The following CCDC180 variants were observed in gnomAD, a reference collection of about 807,000 sequenced individuals.
CCDC180 encodes the protein coiled-coil domain containing 180, also known as coiled-coil domain-containing protein 180.
In CCDC180, 154 loss-of-function variants were observed where a neutral mutation model predicts 209.2. The observed-to-expected ratio is 0.74, with a 90% CI of 0.65 to 0.84. CCDC180 has a LOEUF of 0.84. Ranked by LOEUF, CCDC180 falls within the 40% of genes least tolerant of loss-of-function variation. CCDC180 has a pLI of 0.00. For missense variants in CCDC180, 1,874 were observed against 1,997.3 expected, an observed-to-expected ratio of 0.94 and a Z score of 1.18; for synonymous variants, 778 against 749.1, an observed-to-expected ratio of 1.04 and a Z score of -0.63.
At chr9:97,323,214 A>G (rs533742986) in intron 12 of CCDC180, among the ~76,000 whole-genome samples, 19 of 152,254 alleles carry the variant, frequency 1.2e-4, no homozygotes, top group African/African-American at 4.6e-4. Context: ...CACCTCCTCC[A>G]GGAAGCCCAT....
chr9:97,354,934 C>T lies in CCDC180; in HGVS notation c.3190C>T (p.Leu1064=), dbSNP rs1383568452. The T allele has an allele frequency of 6.2e-7, 1 of 1,614,182 alleles. No homozygotes were observed. The highest frequency in any genetic ancestry group is 2.2e-5 in the East Asian group (1 of 44,888). Residue 1064 remains leucine, a synonymous_variant, in exon 24 of 37, where the codon CTG becomes TTG. Coordinates refer to ENST00000529487, the MANE Select transcript of CCDC180 (RefSeq NM_020893.6). ...INKFESKFHN[L]SVDLIFIEKI... Reference sequence around the variant, plus strand: ...CAAGTTTGAAAGCAAATTCCATAACCTGTCTGTGGACCTTATTTTCATAGA... The same window carrying T: ...CAAGTTTGAAAGCAAATTCCATAACTTGTCTGTGGACCTTATTTTCATAGA...
chr9:97,320,201 G>T lies in CCDC180; in HGVS notation c.1155G>T (p.Glu385Asp), dbSNP rs1054248214. 6.2e-6 allele frequency: 10 copies of T among 1,613,976 alleles called. No individual in the cohort carries two copies. Among genetic ancestry groups the T allele is most frequent in the Non-Finnish European group, 8.5e-6 (10 of 1,179,854 alleles). Residue 385 changes from glutamate to aspartate, a missense_variant, in exon 11 of 37, where the codon GAG becomes GAT. By Grantham distance (45) the Glu-to-Asp change is conservative (BLOSUM62 2). Coordinates refer to ENST00000529487, the MANE Select transcript of CCDC180 (RefSeq NM_020893.6). ...WHSSLNSLNK[E>D]LDTYHVDCMM... is the part of the protein sequence containing the mutation. ...CTTCCCTCAACTCCCTGAACAAGGAGCTAGGTGAGTGACGTCTGCAGGACT... is the reference window on the plus strand; with the variant it reads ...CTTCCCTCAACTCCCTGAACAAGGATCTAGGTGAGTGACGTCTGCAGGACT...
intron 34 of CCDC180, 39 bp downstream of exon 34, chr9:97,371,745 G>C (rs764919298): frequency 7.3e-7 from 1 of 1,372,538 alleles, no homozygotes; most frequent in African/African-American, 1.4e-5. Flanking sequence ...GGCCCTGGGG[G>C]GCTGGTGAGG....
intron 1 of CCDC180, 41 bp downstream of exon 1, chr9:97,307,847 G>A: frequency 1.2e-6 from 2 of 1,612,278 alleles, no homozygotes; most frequent in Non-Finnish European, 1.7e-6. Flanking sequence ...ACCCTAAGTC[G>A]ACGTTCCCCA....
In CCDC180 at chr9:97,337,223, G is replaced by A. The variant is rs544570374; in HGVS notation, c.2275-6117G>A. On this transcript the variant is annotated intron_variant, in intron 18 of 36. Coordinates refer to ENST00000529487, the MANE Select transcript of CCDC180 (RefSeq NM_020893.6). ...ATGTTGAATAGGAGTGGTGAGAGAGGGCATCCCTGTCTTGTGCCAGTTTTC... is the reference window on the plus strand; with the variant it reads ...ATGTTGAATAGGAGTGGTGAGAGAGAGCATCCCTGTCTTGTGCCAGTTTTC... 4.3e-4 allele frequency among the ~76,000 whole-genome samples: 66 copies of A among 152,244 alleles called. 1 individual carries two copies. The East Asian group carries it at 0.012, about 28-fold the overall frequency.
rs752164315 is a variant in CCDC180, at chr9:97,370,674, G to C, written c.4384G>C (p.Gly1462Arg). 1 of 1,613,860 alleles carries C rather than the reference G, an allele frequency of 6.2e-7. No homozygotes were observed. Among genetic ancestry groups the C allele is most frequent in the African/African-American group, 1.3e-5 (1 of 74,882 alleles). ...KNAQKLHLNL[G>R]HPVHFQEMES... ...TGCCCAGAAGCTCCATCTAAATCTT[G>C]GACACCCCGTACATTTCCAAGAAAT... Residue 1462 changes from glycine (G) to arginine (R), a missense_variant, in exon 33 of 37, where the codon GGA (glycine) becomes CGA (arginine). Coordinates refer to ENST00000529487, the MANE Select transcript of CCDC180 (RefSeq NM_020893.6).
chr9:97,370,988 G>A (rs891086657), intron 33 of CCDC180: 11 of 287,566 alleles, frequency 3.8e-5, no homozygotes, highest in African/African-American at 1.7e-4. Context: ...ACGGAGTCTC[G>A]CTCTGTCGCC....
chr9:97,357,892 G>A, intron 25 of CCDC180, 167 bp downstream of exon 25: 1 of 555,970 alleles, frequency 1.8e-6, no homozygotes, highest in Non-Finnish European at 3.1e-6. Context: ...ATGGAATGAA[G>A]AAAGGAACAA....
chr9:97,312,827 C>T (rs892296283), intron 4 of CCDC180, among the ~76,000 whole-genome samples: 3 of 152,088 alleles, frequency 2.0e-5, no homozygotes, highest in Non-Finnish European at 4.4e-5. Flanking sequence ...GGTTCTACAA[C>T]CCCCCATGAC....
At chr9:97,338,085 A>G (rs928655106) in intron 18 of CCDC180, among the ~76,000 whole-genome samples, 2 of 152,010 alleles carry the variant, frequency 1.3e-5, no homozygotes, top group African/African-American at 2.4e-5. Flanking sequence ...GAGGTCTGCC[A>G]ATTTTGTTGA....
intron 25 of CCDC180, among the ~76,000 whole-genome samples, chr9:97,358,488 T>G (rs891461226): frequency 6.6e-6 from 1 of 152,134 alleles, no homozygotes; most frequent in Non-Finnish European, 1.5e-5. Flanking sequence ...AAAGTCAGAA[T>G]TGGAACAGTT....
chr9:97,372,957 A>G (rs1297525853), intron 34 of CCDC180: 1 of 152,246 alleles, frequency 6.6e-6, no homozygotes, highest in East Asian at 1.9e-4. Context: ...GTAGGTCTGC[A>G]TGTGCTGACA....
At chr9:97,362,099 G>A (rs552431479) in intron 27 of CCDC180, 97 bp from the exon 28 acceptor site, 5 of 1,494,114 alleles carry the variant, frequency 3.3e-6, no homozygotes, top group East Asian at 2.3e-5. Flanking sequence ...ACTGACTGAC[G>A]TGGCGCTGAG....
intron 30 of CCDC180, among the ~76,000 whole-genome samples, chr9:97,365,950 C>A (rs558480921): frequency 6.6e-6 from 1 of 152,344 alleles, no homozygotes; most frequent in South Asian, 2.1e-4. Flanking sequence ...CCAAACATTT[C>A]TTAGATATCA....
chr9:97,318,624 G>A, intron 10 of CCDC180, 42 bp downstream of exon 10: 2 of 1,602,066 alleles, frequency 1.2e-6, no homozygotes, highest in Non-Finnish European at 1.7e-6. Flanking sequence ...GCTTCTTGGG[G>A]TGCAGTGAGG....
At chr9:97,339,551 T>C (rs1171277439) in intron 18 of CCDC180, among the ~76,000 whole-genome samples, 2 of 152,226 alleles carry the variant, frequency 1.3e-5, no homozygotes, top group Non-Finnish European at 2.9e-5. Context: ...GGGCTTCCCT[T>C]TGTGGGTAAC....
chr9:97,340,446 C>T (rs1459171099), intron 18 of CCDC180, among the ~76,000 whole-genome samples: 1 of 152,176 alleles, frequency 6.6e-6, no homozygotes, highest in Non-Finnish European at 1.5e-5. Flanking sequence ...AAATATAAAA[C>T]AAGAATAGTT....
intron 8 of CCDC180, among the ~76,000 whole-genome samples, chr9:97,316,269 A>G (rs964456422): frequency 6.6e-6 from 1 of 152,238 alleles, no homozygotes; most frequent in African/African-American, 2.4e-5. Flanking sequence ...TATAAATAGC[A>G]TGAACCCCAT....
chr9:97,354,604 A>G lies in CCDC180; in HGVS notation c.3038A>G (p.Glu1013Gly), dbSNP rs1347815088. ...FSEGGNFSPK[E>G]INSLCSRLEK... ...GAGGGAGGCAACTTTTCTCCTAAAG[A>G]AATCAATTCACTGTGTTCCCGACTG... The change falls in exon 23 of 37, where the codon GAA (glutamate) becomes GGA (glycine). Residue 1013 changes from glutamate to glycine, a missense_variant. Glu to Gly is a moderately conservative substitution (Grantham distance 98). Coordinates refer to ENST00000529487, the MANE Select transcript of CCDC180 (RefSeq NM_020893.6). The G allele has an allele frequency of 6.2e-7, 1 of 1,614,244 alleles. No homozygotes were observed. Among genetic ancestry groups the G allele is most frequent in the South Asian group, 1.1e-5 (1 of 91,086 alleles).
Sources: allele counts gnomAD v4.1 joint callset (sites outside exome capture counted in the v4.1 genomes callset), GRCh38; gene constraint gnomAD v4.1.1; transcripts MANE v1.5; gene names NCBI Gene and HGNC (gene_info 2026-07-23, HGNC 2026-07-21).